Variants in GPR108 observed in about 807,000 individuals in gnomAD.
GPR108 encodes G protein-coupled receptor 108.
GPR108 carries 60 observed loss-of-function variants against 74.3 expected under a neutral mutation model. The observed-to-expected ratio is 0.81, with a 90% CI of 0.66 to 1.00. The LOEUF is 1.00. GPR108 is among the 50% of genes least tolerant of loss of function. GPR108 has a pLI of 0.00. For missense variants in GPR108, 667 were observed against 703.3 expected, an observed-to-expected ratio of 0.95 and a Z score of 0.58; for synonymous variants, 311 against 292.4, an observed-to-expected ratio of 1.06 and a Z score of -0.65.
At position 6,733,159 on chromosome 19, in the gene GPR108, G is replaced by A. The variant is rs778190603; in HGVS notation, c.857+9C>T. On this transcript the variant is annotated intron_variant, in intron 9 of 17. Coordinates refer to ENST00000264080, the MANE Select transcript of GPR108 (RefSeq NM_001080452.2). ...GGACGTGGGGGACCCTCAGGGGCAG[G>A]GGCATTACGTGTTCCTGCAGAGGAT... is the stretch of plus-strand genomic sequence containing the variant. The A allele has an allele frequency of 3.7e-6, 6 of 1,613,974 alleles. No homozygotes were observed. The South Asian group carries it at 6.6e-5, about 18-fold the overall frequency.
In GPR108 at chr19:6,733,930, C is replaced by T; in HGVS notation, c.550-17G>A. ...ACTAGGACCCTGAAGGGACAGAGCC[C>T]CTCCATCAGCTGGTTCTGGGTCCCC... On this transcript the variant is annotated splice_polypyrimidine_tract_variant and intron_variant, in intron 6 of 17. Transcript: ENST00000264080. 2 of 1,614,168 alleles carry T rather than the reference C, an allele frequency of 1.2e-6. No individual in the cohort carries two copies. The highest frequency in any genetic ancestry group is 1.7e-6 in the Non-Finnish European group (2 of 1,180,000).
chr19:6,737,213 C>T lies in GPR108; in HGVS notation c.120+244G>A, dbSNP rs1307178489. 7.5e-6 allele frequency: 4 copies of T among 535,598 alleles called. No homozygotes were observed. The East Asian group carries it at 1.0e-4, about 14-fold the overall frequency. 33.2% of individuals were successfully genotyped at this position (535,598 alleles called of 1,614,324 possible). On this transcript the variant is annotated intron_variant, in intron 1 of 17. Coordinates refer to ENST00000264080, the MANE Select transcript of GPR108 (RefSeq NM_001080452.2). ...GTTGGGGGGAAGGGGGGTGTAGTCC[C>T]CAAGAGATGGAGCCTCGCCCCCGAA...
Position 6,730,125 on chromosome 19 carries a change from C to A in GPR108, c.*187G>T. ...GGGTGGTCCCGGGGTAAGGACAGGG[C>A]TGCCCAATATTTGGGGGGAGGAAGG... On this transcript the variant is annotated 3_prime_UTR_variant, in exon 18 of 18. Transcript: ENST00000264080. 1.6e-6 allele frequency: 1 copy of A among 621,054 alleles called. No homozygotes were observed. 38.5% of individuals were successfully genotyped at this position (621,054 alleles called of 1,614,324 possible).
intron 15 of GPR108, 69 bp from the exon 16 acceptor site, chr19:6,731,351 G>A (rs944154958): frequency 1.3e-6 from 2 of 1,502,840 alleles, no homozygotes; most frequent in Non-Finnish European, 1.8e-6. Flanking sequence ...CTAGACTGCA[G>A]GACTGCGGGC....
In GPR108 at chr19:6,733,250, G is replaced by T; in HGVS notation, c.775C>A (p.Pro259Thr). ...ATGACCATGTAGAGCTTGAAAAGGG[G>T]CATCTCCGCTGCCGACAGGAAGCCA... ...PDGFLSAAEM[P>T]LFKLYMVMSA... Residue 259 changes from proline to threonine, a missense_variant, in exon 9 of 18, where the codon CCC (proline) becomes ACC (threonine). Coordinates refer to ENST00000264080, the MANE Select transcript of GPR108 (RefSeq NM_001080452.2). 1.2e-6 allele frequency: 2 copies of T among 1,613,978 alleles called. No homozygotes were observed. Among genetic ancestry groups the T allele is most frequent in the Non-Finnish European group, 1.7e-6 (2 of 1,180,024 alleles).
chr19:6,735,379 G>A (rs1056813723), intron 4 of GPR108: 11 of 477,656 alleles, frequency 2.3e-5, no homozygotes, highest in African/African-American at 1.4e-4. Flanking sequence ...CAACATGTGC[G>A]AACAATTGTT....
In GPR108 at chr19:6,732,313, C is replaced by T. The variant is rs751977876; in HGVS notation, c.1075G>A (p.Val359Ile). 49 of 1,613,166 alleles carry T rather than the reference C, an allele frequency of 3.0e-5. No homozygotes were observed. The highest frequency in any genetic ancestry group is 1.5e-4 in the Admixed American group (9 of 60,010). ...ACCTTCTTCTCCTTATCCGACAGGA[C>T]GTACTTGATGAAGGCCCAGCCTGAG... The part of the protein sequence containing the change: ...IGSGWAFIKY[V>I]LSDKEKKVFG... Residue 359 changes from valine to isoleucine, a missense_variant, in exon 12 of 18, where the codon GTC (valine) becomes ATC (isoleucine). Val to Ile is a conservative substitution (Grantham distance 29). Transcript: ENST00000264080.
At chr19:6,731,799 G>T in intron 14 of GPR108, 92 bp downstream of exon 14, 1 of 1,439,938 alleles carries the variant, frequency 6.9e-7, no homozygotes, top group Non-Finnish European at 9.6e-7. Context: ...GGGCTGGGCA[G>T]AGAGGCCAGG....
intron 1 of GPR108, 127 bp downstream of exon 1, chr19:6,737,330 C>T (rs1934117445): frequency 8.1e-7 from 1 of 1,229,884 alleles, no homozygotes; most frequent in East Asian, 3.0e-5. Context: ...GGCCCGGAAA[C>T]GGGGGGCGCC....
chr19:6,733,003 G>C lies in GPR108; in HGVS notation c.917C>G (p.Ser306Cys). ...MAALAFTKSISLLFHSINYYF... is the reference protein window; with the variant it reads ...MAALAFTKSICLLFHSINYYF... ...GGCTCTCACGCTGTGGAAGAGGAGA[G>C]AGATGCTCTTGGTGAAGGCCAAGGC... Residue 306 changes from serine (S) to cysteine (C), a missense_variant, in exon 10 of 18, where the codon TCT (serine) becomes TGT (cysteine). Coordinates refer to ENST00000264080, the MANE Select transcript of GPR108 (RefSeq NM_001080452.2). 2 of 1,604,832 alleles carry C rather than the reference G, an allele frequency of 1.2e-6. No individual in the cohort carries two copies. The highest frequency in any genetic ancestry group is 1.7e-6 in the Non-Finnish European group (2 of 1,175,856).
Position 6,733,906 on chromosome 19 carries a change from C to T in GPR108, c.557G>A (p.Ser186Asn). The part of the protein sequence containing the change: ...KSTPAVIQGP[S>N]GKDKDLVLGL... ...CAACACCAGGTCCTTGTCCTTCCCA[C>T]TAGGACCCTGAAGGGACAGAGCCCC... is the stretch of plus-strand genomic sequence containing the variant. Residue 186 changes from serine (S) to asparagine (N), a missense_variant, in exon 7 of 18, where the codon AGT becomes AAT. By Grantham distance (46) the Ser-to-Asn change is conservative (BLOSUM62 1). Transcript: ENST00000264080. 4 of 1,614,196 alleles carry T rather than the reference C, an allele frequency of 2.5e-6. No individual in the cohort carries two copies. The highest frequency in any genetic ancestry group is 3.4e-6 in the Non-Finnish European group (4 of 1,180,008).
chr19:6,733,477 G>T, intron 8 of GPR108, 93 bp downstream of exon 8: 1 of 1,415,622 alleles, frequency 7.1e-7, no homozygotes, highest in South Asian at 1.2e-5. Context: ...GCACCCGGGA[G>T]GGCTGGGAAA....
In GPR108 at chr19:6,735,938, C is replaced by A; in HGVS notation, c.261G>T (p.Arg87=). The change falls in exon 3 of 18, where the codon CGG becomes CGT. Residue 87 remains arginine (R), a synonymous_variant. Coordinates refer to ENST00000264080, the MANE Select transcript of GPR108 (RefSeq NM_001080452.2). The stretch of plus-strand genomic sequence containing the variant: ...AGGAGCGAACTCTGCCAGACCGAAC[C>A]CGGCTGAGACTGAACCCCACCTGGT... The part of the protein sequence containing the change: ...KSLLVGFSLS[R]VRSGRVRSYS... 3.1e-6 allele frequency: 5 copies of A among 1,611,178 alleles called. No individual in the cohort carries two copies. Among genetic ancestry groups the A allele is most frequent in the Non-Finnish European group, 4.2e-6 (5 of 1,178,500 alleles).
intron 4 of GPR108, 66 bp downstream of exon 4, chr19:6,735,556 C>T (rs1317053847): frequency 3.7e-6 from 5 of 1,345,618 alleles, no homozygotes; most frequent in South Asian, 1.2e-5. Flanking sequence ...AGCCCAGGTG[C>T]GTGTGGGCAT....
Position 6,733,823 on chromosome 19 carries a change from C to T in GPR108, c.618+22G>A, listed in dbSNP as rs551337813. ...CCGTGCTCTGGGGTGACGGAAGGGC[C>T]GCAGGCGCTGCAAACACTCACACTG... On this transcript the variant is annotated intron_variant, in intron 7 of 17. Coordinates refer to ENST00000264080, the MANE Select transcript of GPR108 (RefSeq NM_001080452.2). 216 of 1,613,468 alleles carry T rather than the reference C, an allele frequency of 1.3e-4. 1 individual carries two copies. The Admixed American group carries it at 3.3e-3, about 25-fold the overall frequency.
At chr19:6,732,748 T>A (rs1599542171) in intron 10 of GPR108, 199 bp from the exon 11 acceptor site, 7 of 659,480 alleles carry the variant, frequency 1.1e-5, no homozygotes, top group African/African-American at 3.6e-5. Flanking sequence ...AAGGGGTGAA[T>A]AGTTGGACAA....
chr19:6,730,586 G>A, intron 17 of GPR108: 1 of 577,876 alleles, frequency 1.7e-6, no homozygotes, highest in Non-Finnish European at 3.1e-6. Flanking sequence ...AACCACCTAG[G>A]CCCCGCCCCC....
intron 10 of GPR108, 103 bp downstream of exon 10, chr19:6,732,884 G>A: frequency 2.0e-6 from 2 of 1,004,966 alleles, no homozygotes; most frequent in East Asian, 2.6e-5. Context: ...TGGATAGCTG[G>A]CGGATGGCCC....
At chr19:6,733,936 T>A (rs1412964028) in intron 6 of GPR108, 23 bp from the exon 7 acceptor site, 6 of 1,614,156 alleles carry the variant, frequency 3.7e-6, no homozygotes, top group Non-Finnish European at 3.4e-6. Flanking sequence ...AGCCCCTCCA[T>A]CAGCTGGTTC....
Sources: allele counts gnomAD v4.1 joint callset, GRCh38; gene constraint gnomAD v4.1.1; transcripts MANE v1.5; gene names NCBI Gene and HGNC (gene_info 2026-07-23, HGNC 2026-07-21).